MYLK: variants seen among roughly 807,000 people sequenced by gnomAD.
The protein encoded by MYLK is myosin light chain kinase, smooth muscle.
In MYLK, 106 loss-of-function variants were observed where a neutral mutation model predicts 203.4. That is an observed-to-expected ratio of 0.52 (90% CI 0.45 to 0.61). The LOEUF (loss-of-function observed/expected upper bound fraction) is 0.61. Ranked by LOEUF, MYLK falls within the 20% of genes least tolerant of loss-of-function variation. MYLK has a pLI of 0.00. For synonymous variants in MYLK, 867 were observed against 959.5 expected (o/e 0.90, Z 1.78); for missense variants, 2,072 against 2,442.3 (o/e 0.85, Z 3.20).
chr3:123,841,315 A>T (rs2066587364), intron 2 of MYLK, among the ~76,000 whole-genome samples: 1 of 152,182 alleles, frequency 6.6e-6, no homozygotes, highest in South Asian at 2.1e-4. Flanking sequence ...CAGTTGGCCT[A>T]ACTAATGTTT....
intron 2 of MYLK, among the ~76,000 whole-genome samples, chr3:123,838,139 T>G (rs2066515642): frequency 6.6e-6 from 1 of 151,918 alleles, no homozygotes; most frequent in African/African-American, 2.4e-5. Context: ...AATCTTCAAG[T>G]GGCTGAAAAT....
intron 20 of MYLK, among the ~76,000 whole-genome samples, chr3:123,673,741 T>C (rs2059990840): frequency 6.6e-6 from 1 of 152,114 alleles, no homozygotes; most frequent in Non-Finnish European, 1.5e-5. Context: ...GTGTCTCTCA[T>C]CCTCTTCTCT....
intron 24 of MYLK, among the ~76,000 whole-genome samples, chr3:123,649,631 G>A (rs1040262837): frequency 1.3e-5 from 2 of 152,198 alleles, no homozygotes; most frequent in African/African-American, 4.8e-5. Flanking sequence ...CGGCATCCCA[G>A]CACTGGACCA....
At chr3:123,694,306 G>C (rs1282734274) in intron 18 of MYLK, among the ~76,000 whole-genome samples, 1 of 152,158 alleles carries the variant, frequency 6.6e-6, no homozygotes, top group African/African-American at 2.4e-5. Flanking sequence ...TCTTCCCTTT[G>C]TAGTTAGGAG....
intron 20 of MYLK, among the ~76,000 whole-genome samples, chr3:123,672,751 G>T (rs1448773925): frequency 2.6e-5 from 4 of 152,216 alleles, no homozygotes; most frequent in African/African-American, 9.7e-5. Flanking sequence ...TTTGAAACTG[G>T]CTTGGTTCCT....
intron 2 of MYLK, among the ~76,000 whole-genome samples, chr3:123,870,235 C>T (rs913637100): frequency 1.3e-5 from 2 of 152,214 alleles, no homozygotes; most frequent in African/African-American, 4.8e-5. Flanking sequence ...GCCTCACAGA[C>T]CAAACATGAG....
chr3:123,706,295 A>G lies in MYLK; in HGVS notation c.2390+1459T>C, dbSNP rs1039277365. Among the ~76,000 whole-genome samples the G allele has an allele frequency of 1.2e-4, 19 of 152,330 alleles. 1 individual carries two copies. The highest frequency in any genetic ancestry group is 3.4e-3 in the Middle Eastern group (1 of 294). ...AGCAAAAGATAACTGATTCAGGTAT[A>G]AAGCACATGGTCACAAAGGACCTAA... On this transcript the variant is annotated intron_variant, in intron 16 of 33. Transcript: ENST00000360304.
intron 4 of MYLK, among the ~76,000 whole-genome samples, chr3:123,785,906 G>T (rs1397086819): frequency 6.6e-6 from 1 of 152,156 alleles, no homozygotes; most frequent in East Asian, 1.9e-4. Context: ...TAGTGGGTAG[G>T]TATCCTATTG....
intron 3 of MYLK, among the ~76,000 whole-genome samples, chr3:123,804,042 T>C (rs1249967977): frequency 1.3e-5 from 2 of 152,236 alleles, no homozygotes; most frequent in African/African-American, 4.8e-5. Context: ...TTAAGGTGAC[T>C]TAGAACTCAT....
At chr3:123,797,786 GA>G (rs1438580670) in intron 3 of MYLK, among the ~76,000 whole-genome samples, 1 of 152,222 alleles carries the variant, frequency 6.6e-6, no homozygotes, top group African/African-American at 2.4e-5. Flanking sequence ...AGGTTTGAAC[GA>G]GAGTGTATGT....
intron 19 of MYLK, among the ~76,000 whole-genome samples, chr3:123,688,189 G>A (rs374422060): frequency 6.6e-6 from 1 of 152,002 alleles, no homozygotes. Context: ...AATGGCCTCT[G>A]TGTGTGGATG....
intron 4 of MYLK, among the ~76,000 whole-genome samples, chr3:123,767,634 G>T (rs1351723101): frequency 6.6e-6 from 1 of 152,092 alleles, no homozygotes; most frequent in Non-Finnish European, 1.5e-5. Flanking sequence ...AAAAACAAAT[G>T]CATGGCTGGT....
chr3:123,696,137 T>C (rs1260479694), intron 18 of MYLK, among the ~76,000 whole-genome samples: 1 of 152,132 alleles, frequency 6.6e-6, no homozygotes, highest in Non-Finnish European at 1.5e-5. Context: ...AATGGGGTGA[T>C]GTAATCCTGT....
intron 24 of MYLK, 42 bp from the exon 25 acceptor site, chr3:123,649,236 T>A (rs2059127868): frequency 1.2e-6 from 2 of 1,611,234 alleles, no homozygotes; most frequent in Non-Finnish European, 1.7e-6. Context: ...CACAGGTGAT[T>A]AGTACTGAAG....
chr3:123,782,507 T>C (rs1257658830), intron 4 of MYLK, among the ~76,000 whole-genome samples: 1 of 152,228 alleles, frequency 6.6e-6, no homozygotes, highest in African/African-American at 2.4e-5. Context: ...GGAAGGAAGA[T>C]AGATATTAGA....
At chr3:123,848,388 C>CT (rs2030312218) in intron 2 of MYLK, among the ~76,000 whole-genome samples, 1 of 151,264 alleles carries the variant, frequency 6.6e-6, no homozygotes, top group Non-Finnish European at 1.5e-5. Context: ...TTTTTTCTAG[C>CT]TTCTTGAGTA....
At chr3:123,758,685 C>T (rs1266741463) in intron 4 of MYLK, among the ~76,000 whole-genome samples, 2 of 152,142 alleles carry the variant, frequency 1.3e-5, no homozygotes, top group African/African-American at 4.8e-5. Context: ...CCCTTCTGGA[C>T]CGCTTAATCA....
intron 3 of MYLK, among the ~76,000 whole-genome samples, chr3:123,824,918 G>A (rs1209017689): frequency 1.3e-5 from 2 of 152,078 alleles, no homozygotes; most frequent in African/African-American, 4.8e-5. Flanking sequence ...AGAGGCTGAG[G>A]TGGGAGGATT....
chr3:123,677,914 TATATACAC>T (rs2060127466), intron 20 of MYLK, among the ~76,000 whole-genome samples: 1 of 103,266 alleles, frequency 9.7e-6, no homozygotes, highest in African/African-American at 3.8e-5. Flanking sequence ...TATATATATA[TATATACAC>T]ACACACACAC....
Sources: allele counts gnomAD v4.1 joint callset (sites outside exome capture counted in the v4.1 genomes callset), GRCh38; gene constraint gnomAD v4.1.1; transcripts MANE v1.5; gene names NCBI Gene and HGNC (gene_info 2026-07-23, HGNC 2026-07-21).